The following CCDC91 variants were observed in gnomAD, a reference collection of about 807,000 sequenced individuals.
CCDC91 encodes the protein coiled-coil domain containing 91.
Under a neutral mutation model 63.2 loss-of-function variants are expected in CCDC91, and 48 were observed. The ratio of observed to expected loss-of-function variants is 0.76; its 90% confidence interval spans 0.60 to 0.97. The LOEUF (loss-of-function observed/expected upper bound fraction) is 0.97, where lower values mean the gene tolerates loss of function less well. Ranked by LOEUF, CCDC91 falls within the 50% of genes least tolerant of loss-of-function variation. The pLI is 0.00. For synonymous variants in CCDC91, 167 were observed against 165.8 expected, an observed-to-expected ratio of 1.01 and a Z score of -0.06; for missense variants, 500 against 494.6, an observed-to-expected ratio of 1.01 and a Z score of -0.10.
At chr12:28,206,411 C>T (rs528899739) in intron 1 of CCDC91, among the ~76,000 whole-genome samples, 1 of 152,080 alleles carries the variant, frequency 6.6e-6, no homozygotes, top group Admixed American at 6.6e-5. Context: ...GAAGAGAGAC[C>T]GTTAGATATT....
At chr12:28,193,307 T>C (rs1463979721) in intron 1 of CCDC91, among the ~76,000 whole-genome samples, 1 of 152,148 alleles carries the variant, frequency 6.6e-6, no homozygotes, top group Non-Finnish European at 1.5e-5. Context: ...TGTTTAACCT[T>C]AAAAGAAATT....
At chr12:28,450,283 A>G in intron 9 of CCDC91, 30 bp downstream of exon 9, 1 of 1,581,550 alleles carries the variant, frequency 6.3e-7, no homozygotes, top group Non-Finnish European at 8.7e-7. Context: ...CAGAGTGTAG[A>G]AAGAATGTGT....
chr12:28,302,532 G>A (rs1938187660), intron 3 of CCDC91: 1 of 560,304 alleles, frequency 1.8e-6, no homozygotes, highest in South Asian at 7.8e-5. Context: ...AATTGTTAAT[G>A]TTTAAATTTG....
At chr12:28,498,826 T>G (rs538734674) in intron 12 of CCDC91, among the ~76,000 whole-genome samples, 13 of 151,702 alleles carry the variant, frequency 8.6e-5, no homozygotes, top group African/African-American at 2.9e-4. Context: ...GCTAGGGATA[T>G]ATCAGTAAAT....
chr12:28,379,158 A>G (rs919592223), intron 7 of CCDC91, among the ~76,000 whole-genome samples: 1 of 152,016 alleles, frequency 6.6e-6, no homozygotes. Flanking sequence ...ATAATTCCAA[A>G]GATAAAAGAC....
chr12:28,399,961 C>G (rs1013048809), intron 8 of CCDC91, among the ~76,000 whole-genome samples: 1 of 152,136 alleles, frequency 6.6e-6, no homozygotes, highest in Admixed American at 6.6e-5. Context: ...GGTGGAACTA[C>G]TATTTTGGGG....
chr12:28,370,774 C>T (rs1489642134), intron 7 of CCDC91, among the ~76,000 whole-genome samples: 1 of 152,072 alleles, frequency 6.6e-6, no homozygotes, highest in Non-Finnish European at 1.5e-5. Context: ...AACTTATAAT[C>T]GTGGCAGAAG....
At chr12:28,337,464 T>C (rs1341776119) in intron 6 of CCDC91, among the ~76,000 whole-genome samples, 1 of 152,112 alleles carries the variant, frequency 6.6e-6, no homozygotes, top group East Asian at 1.9e-4. Flanking sequence ...TTGTTTTCTT[T>C]ATTATTTTAA....
chr12:28,340,005 T>A (rs1366541776), intron 6 of CCDC91, among the ~76,000 whole-genome samples: 2 of 152,208 alleles, frequency 1.3e-5, no homozygotes, highest in African/African-American at 4.8e-5. Flanking sequence ...AGCTATATTT[T>A]GTATATAGTA....
intron 8 of CCDC91, among the ~76,000 whole-genome samples, chr12:28,427,447 A>T (rs1002622224): frequency 4.6e-5 from 7 of 152,124 alleles, no homozygotes; most frequent in African/African-American, 1.4e-4. Flanking sequence ...GGATTCCTGG[A>T]GGGAAGACCC....
chr12:28,229,026 A>G (rs907605703), intron 1 of CCDC91, among the ~76,000 whole-genome samples: 1 of 152,082 alleles, frequency 6.6e-6, no homozygotes, highest in African/African-American at 2.4e-5. Flanking sequence ...TTCTTCTTAC[A>G]TTCTGGTGGA....
At position 28,241,983 on chromosome 12, in the gene CCDC91, G is replaced by A. The variant is rs371959704; in HGVS notation, c.-14-15219G>A. On this transcript the variant is annotated intron_variant, in intron 1 of 12. Transcript: ENST00000536442. ...TACACTCCAGCGTGGGCGACAGACC[G>A]AGACTCCTTCTCAAAAAAAAAAAAA... is the stretch of plus-strand genomic sequence containing the variant. Among the ~76,000 whole-genome samples the A allele has an allele frequency of 9.2e-5, 11 of 119,404 alleles. No individual in the cohort carries two copies. In the East Asian group the frequency reaches 1.5e-3, roughly 16 times the overall value. The allele number at this position is 119,404 out of a possible 152,430, so 78.3% of individuals were successfully genotyped here.
intron 6 of CCDC91, among the ~76,000 whole-genome samples, chr12:28,357,125 T>G (rs1202741937): frequency 6.6e-6 from 1 of 152,202 alleles, no homozygotes; most frequent in East Asian, 1.9e-4. Flanking sequence ...TTGTCATCAA[T>G]ATACCAGTGA....
chr12:28,504,229 A>C (rs1043957696), intron 12 of CCDC91, among the ~76,000 whole-genome samples: 7 of 151,862 alleles, frequency 4.6e-5, no homozygotes, highest in Admixed American at 3.9e-4. Context: ...ATATTAAAAA[A>C]GTTTCAAAAA....
At chr12:28,341,308 C>T (rs1942403808) in intron 6 of CCDC91, among the ~76,000 whole-genome samples, 1 of 152,100 alleles carries the variant, frequency 6.6e-6, no homozygotes. Context: ...AGTGCCTGTC[C>T]TCACCTAGGC....
chr12:28,444,234 A>G (rs1243693438), intron 8 of CCDC91, among the ~76,000 whole-genome samples: 3 of 152,206 alleles, frequency 2.0e-5, no homozygotes, highest in Admixed American at 2.0e-4. Context: ...GCATTCATTT[A>G]CAAAAATTTT....
intron 7 of CCDC91, among the ~76,000 whole-genome samples, chr12:28,385,264 A>G (rs1322691894): frequency 6.6e-6 from 1 of 152,118 alleles, no homozygotes; most frequent in Non-Finnish European, 1.5e-5. Context: ...TCCTCAAGCT[A>G]AACTAAGTGT....
chr12:28,200,850 G>A lies in CCDC91; in HGVS notation c.-15+10209G>A, dbSNP rs866218696. On this transcript the variant is annotated intron_variant, in intron 1 of 12. Transcript: ENST00000536442. ...GGCTCCTCACTTCCCAGTAGGGGCG[G>A]CTGGGCAGAGGCGCCCCTCACCTCC... Among the ~76,000 whole-genome samples, 647 of 151,804 alleles carry A rather than the reference G, an allele frequency of 4.3e-3. 7 individuals carry two copies. The highest frequency in any genetic ancestry group is 0.013 in the African/African-American group (544 of 41,396).
At chr12:28,495,770 T>A (rs747090343) in intron 12 of CCDC91, among the ~76,000 whole-genome samples, 4 of 151,706 alleles carry the variant, frequency 2.6e-5, no homozygotes, top group Non-Finnish European at 5.9e-5. Context: ...ATGCTCTTCA[T>A]ATTTTTCCAT....
Sources: allele counts gnomAD v4.1 joint callset (sites outside exome capture counted in the v4.1 genomes callset), GRCh38; gene constraint gnomAD v4.1.1; transcripts MANE v1.5; gene names NCBI Gene and HGNC (gene_info 2026-07-23, HGNC 2026-07-21).